The following ITPRIPL1 variants were observed in gnomAD, a reference collection of about 807,000 sequenced individuals.
ITPRIPL1 encodes inositol 1,4,5-trisphosphate receptor-interacting protein-like 1.
In ITPRIPL1, 28 loss-of-function variants were observed where a neutral mutation model predicts 40.0. The observed-to-expected ratio is 0.70, with a 90% CI of 0.52 to 0.96. The LOEUF (loss-of-function observed/expected upper bound fraction) is 0.96, where lower values mean the gene tolerates loss of function less well. ITPRIPL1 is among the 40% of genes least tolerant of loss of function. The pLI is 0.00. For synonymous variants in ITPRIPL1, 251 were observed against 275.7 expected (o/e 0.91, Z 0.89); for missense variants, 638 against 698.0 (o/e 0.91, Z 0.97).
Position 96,326,683 on chromosome 2 carries a change from G to A in ITPRIPL1, c.52G>A (p.Ala18Thr). 1 of 1,614,220 alleles carries A rather than the reference G, an allele frequency of 6.2e-7. No individual in the cohort carries two copies. The highest frequency in any genetic ancestry group is 1.1e-5 in the South Asian group (1 of 91,086). ...GGCTGTGATAAGCCTGCTGTTCTTGGCAGTGATGTATGTTGTTCACCACCC... is the reference window on the plus strand; with the variant it reads ...GGCTGTGATAAGCCTGCTGTTCTTGACAGTGATGTATGTTGTTCACCACCC... Reference protein sequence around the residue: ...SMAVISLLFLAVMYVVHHPLM... With the variant: ...SMAVISLLFLTVMYVVHHPLM... Residue 18 changes from alanine to threonine, a missense_variant, in exon 3 of 3, where the codon GCA becomes ACA. Coordinates refer to ENST00000439118, the MANE Select transcript of ITPRIPL1 (RefSeq NM_001008949.3).
intron 2 of ITPRIPL1, 90 bp downstream of exon 2, chr2:96,325,939 C>A: frequency 1.4e-6 from 2 of 1,450,288 alleles, no homozygotes; most frequent in Non-Finnish European, 1.9e-6. Context: ...CCACTGCCGG[C>A]TGTCAGGTAG....
rs2064117940 is a variant in ITPRIPL1 at position 96,327,180 on chromosome 2, G to A, written c.549G>A (p.Leu183=). The part of the protein sequence containing the change: ...KHYVQNAIRD[L]PCTCEFVESF... The stretch of plus-strand genomic sequence containing the variant: ...ATGTCCAAAATGCCATCCGTGACCT[G>A]CCCTGCACCTGTGAGTTTGTGGAGA... Residue 183 remains leucine (L), a synonymous_variant, in exon 3 of 3, where the codon CTG becomes CTA. Coordinates refer to ENST00000439118, the MANE Select transcript of ITPRIPL1 (RefSeq NM_001008949.3). 6.2e-7 allele frequency: 1 copy of A among 1,614,058 alleles called. No individual in the cohort carries two copies. Among genetic ancestry groups the A allele is most frequent in the South Asian group, 1.1e-5 (1 of 91,086 alleles).
At chr2:96,328,373 G>A, downstream of ITPRIPL1, 1 of 1,440,942 alleles carries the variant, frequency 6.9e-7, no homozygotes, top group Non-Finnish European at 9.4e-7. Flanking sequence ...TTACTTTTCA[G>A]ATATATCAGT....
Position 96,327,963 on chromosome 2 carries a change from C to T in ITPRIPL1, c.1332C>T (p.Leu444=), listed in dbSNP as rs1255232217. The part of the protein sequence containing the change: ...SLPHGASRPI[L]TSYHFKTALM... ...CCCATGGAGCATCCCGCCCCATCCT[C>T]ACTTCTTACCATTTTAAAACAGCTC... The change falls in exon 3 of 3, where the codon CTC becomes CTT. Residue 444 remains leucine (L), a synonymous_variant. Transcript: ENST00000439118. 1 of 1,614,028 alleles carries T rather than the reference C, an allele frequency of 6.2e-7. No homozygotes were observed. The highest frequency in any genetic ancestry group is 8.5e-7 in the Non-Finnish European group (1 of 1,180,044).
chr2:96,327,567 CCT>C lies in ITPRIPL1; in HGVS notation c.937_938del (p.Leu313ArgfsTer25), dbSNP rs1424551178. On this transcript the variant is annotated frameshift_variant, in exon 3 of 3. Transcript: ENST00000439118. LOFTEE classifies it high-confidence loss of function. Reference protein sequence around the residue: ...IKAALCTGFHLDVCKTVQWFR... With the variant: ...IKAALCTGFHXDVCKTVQWFR... ...AGGCAGCTCTCTGCACCGGCTTCCA[CCT>C]AGACGTGTGCAAGACTGTGCAGTGG... 6.2e-7 allele frequency: 1 copy of C among 1,612,142 alleles called. No individual in the cohort carries two copies. The highest frequency in any genetic ancestry group is 1.3e-5 in the African/African-American group (1 of 74,854).
At chr2:96,325,912 G>A in intron 2 of ITPRIPL1, 63 bp downstream of exon 2, 3 of 1,575,874 alleles carry the variant, frequency 1.9e-6, no homozygotes, top group South Asian at 1.1e-5. Context: ...GGGTGGGTGG[G>A]GAGGCAGTGG....
chr2:96,325,968 T>C, intron 2 of ITPRIPL1, 119 bp downstream of exon 2: 1 of 1,233,548 alleles, frequency 8.1e-7, no homozygotes, highest in East Asian at 2.4e-5. Flanking sequence ...CACCTGGTTC[T>C]GCAGACAGTT....
At position 96,327,370 on chromosome 2, in the gene ITPRIPL1, AC is replaced by A. The variant is rs757509569; in HGVS notation, c.741del (p.Met248CysfsTer6). Reference protein sequence around the residue: ...ILVPIVPPQGTMFVLEMRDPA... With the variant: ...ILVPIVPPQGXMFVLEMRDPA... ...GGTGCCCATTGTCCCCCCACAGGGC[AC>A]CATGTTTGTCCTGGAGATGAGGGAC... On this transcript the variant is annotated frameshift_variant, in exon 3 of 3. Transcript: ENST00000439118. LOFTEE classifies it high-confidence loss of function. The A allele has an allele frequency of 4.3e-6, 7 of 1,614,048 alleles. No homozygotes were observed. In the South Asian group the frequency reaches 6.6e-5, roughly 15 times the overall value.
rs1325571583 is a variant in ITPRIPL1 at position 96,325,749 on chromosome 2, C to T, written c.-91C>T. The T allele has an allele frequency of 8.8e-5, 117 of 1,325,922 alleles. No individual in the cohort carries two copies. The highest frequency in any genetic ancestry group is 1.3e-4 in the Non-Finnish European group (116 of 917,884). 82.1% of individuals were successfully genotyped at this position (1,325,922 alleles called of 1,614,324 possible). A position where few individuals can be genotyped will look rare whatever the true frequency, so the allele number is the denominator to read the frequency against. Reference sequence around the variant, plus strand: ...AGGTACCTTGTACATTTTAACAGGGCTCCTAGAGAGGGCGGGGAGACGAAG... The same window carrying T: ...AGGTACCTTGTACATTTTAACAGGGTTCCTAGAGAGGGCGGGGAGACGAAG... On this transcript the variant is annotated splice_region_variant and 5_prime_UTR_variant, in exon 2 of 3. Transcript: ENST00000439118.
At chr2:96,325,642 G>A in intron 1 of ITPRIPL1, 77 bp downstream of exon 1, 2 of 635,414 alleles carry the variant, frequency 3.1e-6, no homozygotes, top group South Asian at 1.8e-5. Flanking sequence ...ATAGGCGGGT[G>A]AGAGTACAAA....
intron 2 of ITPRIPL1, 66 bp downstream of exon 2, chr2:96,325,915 G>A: frequency 1.3e-6 from 2 of 1,575,098 alleles, no homozygotes; most frequent in Admixed American, 1.7e-5. Context: ...TGGGTGGGGA[G>A]GCAGTGGAAC....
At chr2:96,326,088 C>A in intron 2 of ITPRIPL1, 2 of 1,327,502 alleles carry the variant, frequency 1.5e-6, no homozygotes, top group Non-Finnish European at 2.1e-6. Flanking sequence ...GCCTCTCTTG[C>A]GCTCCCTGGG....
intron 1 of ITPRIPL1, 51 bp from the exon 2 acceptor site, chr2:96,325,696 T>G (rs1573046383): frequency 8.0e-6 from 6 of 753,402 alleles, no homozygotes; most frequent in East Asian, 2.7e-5. Context: ...GGGGGGAGGG[T>G]CGGGTTCCGA....
intron 2 of ITPRIPL1, 52 bp downstream of exon 2, chr2:96,325,901 CGGGT>C: frequency 6.9e-7 from 1 of 1,442,716 alleles, no homozygotes; most frequent in Non-Finnish European, 9.6e-7. Context: ...TCGGGCTTCA[CGGGT>C]GGGTGGGGAG....
intron 2 of ITPRIPL1, chr2:96,326,345 C>A: frequency 6.7e-7 from 1 of 1,488,808 alleles, no homozygotes; most frequent in Non-Finnish European, 8.9e-7. Flanking sequence ...CCCTCCCCAT[C>A]CTACACAGGA....
chr2:96,329,784 T>G (rs535129575), downstream of ITPRIPL1: 1 of 151,954 alleles, frequency 6.6e-6, no homozygotes, highest in Non-Finnish European at 1.5e-5. Context: ...GCAACTATAG[T>G]TATGGGTGTG....
At position 96,327,823 on chromosome 2, in the gene ITPRIPL1, T is replaced by G; in HGVS notation, c.1192T>G (p.Phe398Val). 1 of 1,614,118 alleles carries G rather than the reference T, an allele frequency of 6.2e-7. No homozygotes were observed. The highest frequency in any genetic ancestry group is 8.5e-7 in the Non-Finnish European group (1 of 1,180,020). ...CACCAGTGTGGACTGGCCTGAGTCC[T>G]TTGTGGCCTGTGAGCACCTGTTCCT... ...QLTSVDWPES[F>V]VACEHLFLKL... Residue 398 changes from phenylalanine (F) to valine (V), a missense_variant, in exon 3 of 3, where the codon TTT becomes GTT. By Grantham distance (50) the Phe-to-Val change is conservative. Transcript: ENST00000439118.
At position 96,326,878 on chromosome 2, in the gene ITPRIPL1, G is replaced by T; in HGVS notation, c.247G>T (p.Asp83Tyr). 3 of 1,614,224 alleles carry T rather than the reference G, an allele frequency of 1.9e-6. No homozygotes were observed. Among genetic ancestry groups the T allele is most frequent in the South Asian group, 2.2e-5 (2 of 91,062 alleles). ...CTTCTGGACAGGAGACACATCCAGT[G>T]ACCAGTTAGTGCTGGGGAAGAAAGA... ...ENFWTGDTSS[D>Y]QLVLGKKDMG... Residue 83 changes from aspartate to tyrosine, a missense_variant, in exon 3 of 3, where the codon GAC becomes TAC. Asp to Tyr is a radical substitution (Grantham distance 160, BLOSUM62 -3). Transcript: ENST00000439118.
Position 96,327,047 on chromosome 2 carries a change from C to T in ITPRIPL1, c.416C>T (p.Ser139Phe). 1 of 1,614,178 alleles carries T rather than the reference C, an allele frequency of 6.2e-7. No individual in the cohort carries two copies. Among genetic ancestry groups the T allele is most frequent in the Non-Finnish European group, 8.5e-7 (1 of 1,180,024 alleles). Residue 139 changes from serine (S) to phenylalanine (F), a missense_variant, in exon 3 of 3, where the codon TCC (serine) becomes TTC (phenylalanine). Ser to Phe is a radical substitution (Grantham distance 155). Transcript: ENST00000439118. ...ATGCAGCATGAACCGGCCTTTGATT[C>T]CAGCAGTGAGGAGGAGGAGGAGGAA... The part of the protein sequence containing the change: ...QNMQHEPAFD[S>F]SSEEEEEEVR...
Sources: allele counts gnomAD v4.1 joint callset, GRCh38; gene constraint gnomAD v4.1.1; transcripts MANE v1.5; gene names NCBI Gene and HGNC (gene_info 2026-07-23, HGNC 2026-07-21).